The following GALNT13 variants were observed in gnomAD, a reference collection of about 807,000 sequenced individuals.
The protein encoded by GALNT13 is UDP-GalNAc:polypeptide N-acetylgalactosaminyltransferase 13.
GALNT13 carries 28 observed loss-of-function variants against 64.2 expected under a neutral mutation model. That is an observed-to-expected ratio of 0.44 (90% CI 0.32 to 0.60). GALNT13 has a LOEUF of 0.60. GALNT13 is among the 20% of genes least tolerant of loss of function. GALNT13 has a pLI of 0.05. For missense variants in GALNT13, 577 were observed against 669.8 expected, an observed-to-expected ratio of 0.86 and a Z score of 1.53; for synonymous variants, 214 against 224.6, an observed-to-expected ratio of 0.95 and a Z score of 0.42.
chr2:153,455,720 C>T, the GALNT13 span, among the ~76,000 whole-genome samples: 36 of 152,212 alleles, frequency 2.4e-4, no homozygotes, highest in African/African-American at 8.4e-4. Context: ...GTTAACAGTT[C>T]AGTGAACCCT....
the GALNT13 span, among the ~76,000 whole-genome samples, chr2:153,773,941 C>G: frequency 6.6e-6 from 1 of 152,106 alleles, no homozygotes; most frequent in South Asian, 2.1e-4. Context: ...AACTCCAACT[C>G]TAACCATGAA....
chr2:153,706,571 GT>G, the GALNT13 span, among the ~76,000 whole-genome samples: 40 of 152,318 alleles, frequency 2.6e-4, no homozygotes, highest in South Asian at 2.1e-4. Context: ...TAAAGTATAC[GT>G]GTGTGCACAT....
At chr2:154,039,253 T>C (rs993426669) in intron 3 of GALNT13, among the ~76,000 whole-genome samples, 2 of 142,918 alleles carry the variant, frequency 1.4e-5, no homozygotes, top group African/African-American at 4.9e-5. Context: ...GTAATCCCAC[T>C]AATGGATATT....
At chr2:154,321,016 A>G (rs940017938) in intron 9 of GALNT13, among the ~76,000 whole-genome samples, 3 of 152,150 alleles carry the variant, frequency 2.0e-5, no homozygotes, top group African/African-American at 7.2e-5. Flanking sequence ...TAGGTGGGAA[A>G]GGCAATACAC....
At chr2:153,174,136 G>A in the GALNT13 span, among the ~76,000 whole-genome samples, 2 of 152,216 alleles carry the variant, frequency 1.3e-5, no homozygotes, top group African/African-American at 4.8e-5. Context: ...TCCAGGAGGT[G>A]AGGGTGCTAT....
the GALNT13 span, among the ~76,000 whole-genome samples, chr2:153,341,908 G>A: frequency 6.6e-6 from 1 of 152,234 alleles, no homozygotes; most frequent in Non-Finnish European, 1.5e-5. Flanking sequence ...ACTTTGTTCA[G>A]GGTCTCAGGT....
intron 4 of GALNT13, among the ~76,000 whole-genome samples, chr2:154,180,805 T>C (rs778960545): frequency 2.6e-4 from 40 of 152,208 alleles, no homozygotes; most frequent in Non-Finnish European, 4.4e-4. Context: ...TGCTCTTTTT[T>C]AATGTCATTA....
chr2:153,608,488 A>G, the GALNT13 span, among the ~76,000 whole-genome samples: 2 of 152,064 alleles, frequency 1.3e-5, no homozygotes, highest in East Asian at 3.9e-4. Context: ...AGTTAATAAA[A>G]TTCTAAGATA....
the GALNT13 span, among the ~76,000 whole-genome samples, chr2:153,461,628 C>G: frequency 1.3e-5 from 2 of 152,088 alleles, no homozygotes; most frequent in African/African-American, 2.4e-5. Context: ...ATAAGGATTC[C>G]TGTACTCCCA....
At chr2:154,124,915 T>C (rs1287201829) in intron 3 of GALNT13, among the ~76,000 whole-genome samples, 1 of 152,134 alleles carries the variant, frequency 6.6e-6, no homozygotes, top group Non-Finnish European at 1.5e-5. Context: ...AAAGGAATAC[T>C]ACATAAGCCT....
intron 1 of GALNT13, among the ~76,000 whole-genome samples, chr2:153,896,007 A>G (rs1444239923): frequency 2.3e-5 from 3 of 128,782 alleles, no homozygotes; most frequent in South Asian, 5.1e-4. Flanking sequence ...AATAGTTTGT[A>G]TGATATAATT....
chr2:153,420,291 G>A, the GALNT13 span, among the ~76,000 whole-genome samples: 1 of 152,074 alleles, frequency 6.6e-6, no homozygotes, highest in Non-Finnish European at 1.5e-5. Flanking sequence ...AAGAGAAATT[G>A]TAAGGTTGAT....
intron 3 of GALNT13, among the ~76,000 whole-genome samples, chr2:154,027,429 A>G (rs888706030): frequency 2.6e-5 from 4 of 152,144 alleles, no homozygotes; most frequent in African/African-American, 9.6e-5. Flanking sequence ...CTGACTAGAG[A>G]TAGCATGAGA....
At chr2:153,160,045 T>C in the GALNT13 span, among the ~76,000 whole-genome samples, 1 of 152,196 alleles carries the variant, frequency 6.6e-6, no homozygotes, top group African/African-American at 2.4e-5. Flanking sequence ...CTCCACCATA[T>C]TGTAATAAAG....
the GALNT13 span, among the ~76,000 whole-genome samples, chr2:153,460,047 CA>C: frequency 2.0e-5 from 3 of 151,924 alleles, no homozygotes; most frequent in Non-Finnish European, 4.4e-5. Context: ...AAAATAAATG[CA>C]TTTAGGTAAG....
At chr2:153,237,226 C>CTA in the GALNT13 span, among the ~76,000 whole-genome samples, 1 of 151,754 alleles carries the variant, frequency 6.6e-6, no homozygotes, top group Admixed American at 6.6e-5. Context: ...TACATAGTAG[C>CTA]TATATATATT....
chr2:154,292,472 G>A (rs893748182), intron 8 of GALNT13, among the ~76,000 whole-genome samples: 1 of 152,124 alleles, frequency 6.6e-6, no homozygotes, highest in Non-Finnish European at 1.5e-5. Context: ...GTATCTTTAT[G>A]TGAATTAGTT....
the GALNT13 span, among the ~76,000 whole-genome samples, chr2:153,695,049 C>T: frequency 6.6e-6 from 1 of 152,114 alleles, no homozygotes; most frequent in Admixed American, 6.5e-5. Context: ...GAAAACCAGG[C>T]ACAAGTTTCC....
At chr2:153,290,211 TA>T in the GALNT13 span, among the ~76,000 whole-genome samples, 1 of 152,176 alleles carries the variant, frequency 6.6e-6, no homozygotes. Flanking sequence ...TCATTATTAT[TA>T]TTTTTTATTA....
Sources: gnomAD v4.1 joint callset for allele counts (sites outside exome capture counted in the v4.1 genomes callset) on GRCh38, gnomAD v4.1.1 for gene constraint, MANE v1.5 for transcripts, NCBI Gene and HGNC (gene_info 2026-07-23, HGNC 2026-07-21) for gene names.